PIP4K2B: variants seen among roughly 807,000 people sequenced by gnomAD.
The protein encoded by PIP4K2B is phosphatidylinositol 5-phosphate 4-kinase type-2 beta.
A neutral mutation model predicts 42.0 loss-of-function variants in PIP4K2B; 3 were observed. The ratio of observed to expected loss-of-function variants is 0.07; its 90% CI spans 0.03 to 0.18. The LOEUF (loss-of-function observed/expected upper bound fraction) is 0.18. Among genes scored for constraint, PIP4K2B ranks in the 10% least tolerant of loss-of-function variants. PIP4K2B has a pLI of 1.00. For synonymous variants in PIP4K2B, 204 were observed against 210.1 expected (o/e 0.97, Z 0.25); for missense variants, 332 against 562.3 (o/e 0.59, Z 4.14).
At chr17:38,784,872 A>G (rs1598052306) in intron 2 of PIP4K2B, among the ~76,000 whole-genome samples, 2 of 152,174 alleles carry the variant, frequency 1.3e-5, no homozygotes, top group East Asian at 3.9e-4. Flanking sequence ...TGTGCTTACT[A>G]CAGTGGGAAC....
At chr17:38,795,823 G>T (rs1224760783) in intron 1 of PIP4K2B, among the ~76,000 whole-genome samples, 2 of 151,448 alleles carry the variant, frequency 1.3e-5, no homozygotes, top group African/African-American at 4.9e-5. Flanking sequence ...AACATCATTA[G>T]TTATCACAGA....
chr17:38,791,319 C>T (rs961678515), intron 1 of PIP4K2B, among the ~76,000 whole-genome samples: 1 of 151,970 alleles, frequency 6.6e-6, no homozygotes, highest in African/African-American at 2.4e-5. Context: ...TAGAAATCTT[C>T]CATGGCTGCT....
rs1447413606 is a variant in PIP4K2B, at chr17:38,769,085, G to A, written c.*606C>T. The A allele has an allele frequency of 6.6e-6, 1 of 152,604 alleles. No individual in the cohort carries two copies. The highest frequency in any genetic ancestry group is 1.5e-5 in the Non-Finnish European group (1 of 68,260). The allele number at this position is 152,604 out of a possible 1,614,324, so 9.5% of individuals were successfully genotyped here. ...CAACAGTTTTCACTTGAATCCAAGG[G>A]AAAGGTGGAGGAAGTTGTGCACAAT... On this transcript the variant is annotated 3_prime_UTR_variant, in exon 10 of 10. Transcript: ENST00000619039.
intron 1 of PIP4K2B, among the ~76,000 whole-genome samples, chr17:38,795,951 C>T (rs749882403): frequency 6.6e-6 from 1 of 151,672 alleles, no homozygotes; most frequent in Non-Finnish European, 1.5e-5. Context: ...CAAGCCTGGC[C>T]GACATGGTGA....
In PIP4K2B at chr17:38,766,194, A is replaced by G. The variant is rs1238761034; in HGVS notation, c.*3497T>C. 1 of 152,282 alleles carries G rather than the reference A, an allele frequency of 6.6e-6. No homozygotes were observed. The highest frequency in any genetic ancestry group is 1.5e-5 in the Non-Finnish European group (1 of 68,068). The allele number at this position is 152,282 out of a possible 1,614,324, so 9.4% of individuals were successfully genotyped here. A position where few individuals can be genotyped will look rare whatever the true frequency, so the allele number is the denominator to read the frequency against. ...ACTGACCCCTGCAGATGGCTGGTAG[A>G]TTGGGGAACAGTTGTCTGAATGGGT... On this transcript the variant is annotated 3_prime_UTR_variant, in exon 10 of 10. Coordinates refer to ENST00000619039, the MANE Select transcript of PIP4K2B (RefSeq NM_003559.5).
chr17:38,789,723 C>A (rs1376046190), intron 1 of PIP4K2B, among the ~76,000 whole-genome samples: 2 of 152,090 alleles, frequency 1.3e-5, no homozygotes, highest in Non-Finnish European at 2.9e-5. Flanking sequence ...TGGGAAAAAA[C>A]CCAATTTACT....
Position 38,765,706 on chromosome 17 carries a change from G to C in PIP4K2B, c.*3985C>G, listed in dbSNP as rs1353618173. 1 of 152,218 alleles carries C rather than the reference G, an allele frequency of 6.6e-6. No individual in the cohort carries two copies. The highest frequency in any genetic ancestry group is 2.4e-5 in the African/African-American group (1 of 41,408). The allele number at this position is 152,218 out of a possible 1,614,324, so 9.4% of individuals were successfully genotyped here. The stretch of plus-strand genomic sequence containing the variant: ...ATAACAGATGTACACAAAGCTTTTT[G>C]AGTTTTATTTTTTTCCTCAGGTTGG... On this transcript the variant is annotated 3_prime_UTR_variant, in exon 10 of 10. Transcript: ENST00000619039.
Position 38,771,021 on chromosome 17 carries a change from G to A in PIP4K2B, c.1059C>T (p.Ser353=), listed in dbSNP as rs762981229. Residue 353 remains serine, a synonymous_variant, in exon 8 of 10, where the codon AGC becomes AGT. Coordinates refer to ENST00000619039, the MANE Select transcript of PIP4K2B (RefSeq NM_003559.5). The stretch of plus-strand genomic sequence containing the variant: ...GCGCAGGCTCTGACTTACTTTCATG[G>A]CTTTTCATGGCATAGACGTCAACAG... ...DPSVDVYAMK[S]HESSPKKEVY... 6.2e-7 allele frequency: 1 copy of A among 1,614,134 alleles called. No individual in the cohort carries two copies.
chr17:38,784,615 T>C (rs1909905030), intron 2 of PIP4K2B, among the ~76,000 whole-genome samples: 1 of 152,142 alleles, frequency 6.6e-6, no homozygotes, highest in Admixed American at 6.5e-5. Context: ...ATACTTAACA[T>C]GTAGGTTTCT....
chr17:38,777,571 C>T (rs1007258895), intron 7 of PIP4K2B, 116 bp downstream of exon 7: 4 of 733,914 alleles, frequency 5.5e-6, no homozygotes, highest in Middle Eastern at 2.4e-4. Flanking sequence ...CTCAAATCAC[C>T]ACCCTTTTGT....
At position 38,786,940 on chromosome 17, in the gene PIP4K2B, T is replaced by G. The variant is rs1418070584; in HGVS notation, c.160-20A>C. 1 of 1,557,044 alleles carries G rather than the reference T, an allele frequency of 6.4e-7. No homozygotes were observed. The highest frequency in any genetic ancestry group is 8.9e-7 in the Non-Finnish European group (1 of 1,128,046). On this transcript the variant is annotated intron_variant, in intron 1 of 9. Coordinates refer to ENST00000619039, the MANE Select transcript of PIP4K2B (RefSeq NM_003559.5). ...ATTGATCTGAAAAGCAAGGAGAACG[T>G]AAGGCTCTCAGCCAGGAGGCCACCT...
chr17:38,781,995 T>A (rs1163771469), intron 3 of PIP4K2B, among the ~76,000 whole-genome samples: 1 of 152,100 alleles, frequency 6.6e-6, no homozygotes. Context: ...ATCCTACTCT[T>A]TACTTTCCCC....
Position 38,784,235 on chromosome 17 carries a change from C to A in PIP4K2B, c.354+8G>T. The stretch of plus-strand genomic sequence containing the variant: ...CTAATCCACTGATGTTGCCAGGAGC[C>A]TCCATACCTGGTAATCCTGATCATC... On this transcript the variant is annotated splice_region_variant and intron_variant, in intron 3 of 9. Coordinates refer to ENST00000619039, the MANE Select transcript of PIP4K2B (RefSeq NM_003559.5). 6.4e-7 allele frequency: 1 copy of A among 1,567,074 alleles called. No homozygotes were observed. Among genetic ancestry groups the A allele is most frequent in the Non-Finnish European group, 8.8e-7 (1 of 1,137,202 alleles).
intron 3 of PIP4K2B, among the ~76,000 whole-genome samples, chr17:38,782,359 AG>A (rs1273776843): frequency 3.9e-5 from 6 of 152,220 alleles, no homozygotes; most frequent in Admixed American, 2.0e-4. Context: ...TGCGCCCACA[AG>A]GCTACTAGGG....
rs1567648227 is a variant in PIP4K2B at position 38,766,042 on chromosome 17, G to A, written c.*3649C>T. 2 of 152,684 alleles carry A rather than the reference G, an allele frequency of 1.3e-5. No individual in the cohort carries two copies. The highest frequency in any genetic ancestry group is 1.5e-5 in the Non-Finnish European group (1 of 68,078). 9.5% of individuals were successfully genotyped at this position (152,684 alleles called of 1,614,324 possible). A position where few individuals can be genotyped will look rare whatever the true frequency, so the allele number is the denominator to read the frequency against. On this transcript the variant is annotated 3_prime_UTR_variant, in exon 10 of 10. Coordinates refer to ENST00000619039, the MANE Select transcript of PIP4K2B (RefSeq NM_003559.5). The stretch of plus-strand genomic sequence containing the variant: ...TCACAGTGGCTCTGCGCAAGGGCAA[G>A]AGGCTCCTGTGGAAACTTCTGCCCT...
chr17:38,781,398 T>C (rs1263508048), intron 3 of PIP4K2B, among the ~76,000 whole-genome samples: 1 of 152,116 alleles, frequency 6.6e-6, no homozygotes, highest in East Asian at 1.9e-4. Flanking sequence ...CCAAGGGACC[T>C]CTGGGAAGCA....
chr17:38,787,192 C>T (rs1049650963), intron 1 of PIP4K2B, among the ~76,000 whole-genome samples: 1 of 152,092 alleles, frequency 6.6e-6, no homozygotes, highest in Non-Finnish European at 1.5e-5. Context: ...CACATCACCA[C>T]GCCCAGCTAA....
rs1908953070 is a variant in PIP4K2B at position 38,770,487 on chromosome 17, T to C, written c.1119A>G (p.Pro373=). 3 of 1,612,664 alleles carry C rather than the reference T, an allele frequency of 1.9e-6. No individual in the cohort carries two copies. The highest frequency in any genetic ancestry group is 2.5e-6 in the Non-Finnish European group (3 of 1,178,874). The change falls in exon 9 of 10, where the codon CCA becomes CCG. Residue 373 remains proline (P), a synonymous_variant. Transcript: ENST00000619039. ...GTGCAGCTTTCTTCTTTGTATCGTA[T>C]GGCGTGAGGATATCAATGATGGCCA... ...YFMAIIDILT[P]YDTKKKAAHA...
At chr17:38,789,779 G>C (rs1910248752) in intron 1 of PIP4K2B, among the ~76,000 whole-genome samples, 1 of 152,136 alleles carries the variant, frequency 6.6e-6, no homozygotes. Context: ...GCTTTGAGAG[G>C]GATGCTGGGG....
Sources: allele counts gnomAD v4.1 joint callset (sites outside exome capture counted in the v4.1 genomes callset), GRCh38; gene constraint gnomAD v4.1.1; transcripts MANE v1.5; gene names NCBI Gene and HGNC (gene_info 2026-07-23, HGNC 2026-07-21).